Variants in NELL1 observed in about 807,000 individuals in gnomAD.
NELL1 encodes the protein neural EGFL like 1, also known as protein kinase C-binding protein NELL1.
In NELL1, 76 loss-of-function variants were observed where a neutral mutation model predicts 107.4. That is an observed-to-expected ratio of 0.71 (90% confidence interval 0.59 to 0.86). The LOEUF (loss-of-function observed/expected upper bound fraction) is 0.86, where lower values mean the gene tolerates loss of function less well. NELL1 is among the 40% of genes least tolerant of loss of function. The pLI is 0.00. For synonymous variants in NELL1, 353 were observed against 341.2 expected, an observed-to-expected ratio of 1.03 and a Z score of -0.38; for missense variants, 1,024 against 1,005.5, an observed-to-expected ratio of 1.02 and a Z score of -0.25.
At chr11:20,936,380 A>G (rs747655020) in intron 9 of NELL1, among the ~76,000 whole-genome samples, 4 of 152,192 alleles carry the variant, frequency 2.6e-5, no homozygotes, top group Non-Finnish European at 5.9e-5. Context: ...ATGGAAGTGG[A>G]TCTCCATGTA....
chr11:20,731,660 G>A (rs1401594827), intron 2 of NELL1, among the ~76,000 whole-genome samples: 1 of 152,188 alleles, frequency 6.6e-6, no homozygotes, highest in African/African-American at 2.4e-5. Flanking sequence ...CAATTCACAA[G>A]CCGGGTAGGT....
intron 2 of NELL1, among the ~76,000 whole-genome samples, chr11:20,712,631 A>C (rs1855141552): frequency 6.6e-6 from 1 of 152,144 alleles, no homozygotes; most frequent in South Asian, 2.1e-4. Flanking sequence ...TCTGCAACTA[A>C]AGGCCTGCTG....
chr11:20,861,002 A>T (rs1489476415), intron 4 of NELL1, among the ~76,000 whole-genome samples: 2 of 152,200 alleles, frequency 1.3e-5, no homozygotes, highest in African/African-American at 2.4e-5. Context: ...GCTCACAGTA[A>T]GGGCCTCATT....
rs534924742 is a variant in NELL1, at chr11:21,442,177, T to C, written c.1645+71229T>C. Among the ~76,000 whole-genome samples the C allele has an allele frequency of 2.6e-5, 4 of 152,326 alleles. No individual in the cohort carries two copies. The South Asian group carries it at 8.3e-4, about 32-fold the overall frequency. ...TCTTTACTCAGTTAATGCCTATTCA[T>C]TTCTCAGGTGTCAGTTTAGGTAAAT... On this transcript the variant is annotated intron_variant, in intron 15 of 19. Transcript: ENST00000357134.
At chr11:20,859,693 G>C (rs1262149358) in intron 4 of NELL1, among the ~76,000 whole-genome samples, 2 of 152,208 alleles carry the variant, frequency 1.3e-5, no homozygotes, top group Admixed American at 1.3e-4. Context: ...GTGAAATCAA[G>C]GGTTGGGCAG....
intron 12 of NELL1, among the ~76,000 whole-genome samples, chr11:21,089,450 A>C (rs946389544): frequency 3.3e-5 from 5 of 152,194 alleles, no homozygotes; most frequent in African/African-American, 1.2e-4. Flanking sequence ...CTCTCTTTGA[A>C]TGGTTTCTTA....
At chr11:21,418,708 C>T (rs1414883702) in intron 15 of NELL1, among the ~76,000 whole-genome samples, 1 of 151,996 alleles carries the variant, frequency 6.6e-6, no homozygotes, top group Non-Finnish European at 1.5e-5. Flanking sequence ...TTGCTTTGGC[C>T]AATAAAATAT....
chr11:21,250,660 G>A (rs1049009563), intron 14 of NELL1, among the ~76,000 whole-genome samples: 3 of 152,168 alleles, frequency 2.0e-5, no homozygotes, highest in Non-Finnish European at 4.4e-5. Context: ...CTCTAATTCA[G>A]ATCATTCCAT....
chr11:21,132,660 G>A (rs1477907989), intron 13 of NELL1, among the ~76,000 whole-genome samples: 2 of 152,128 alleles, frequency 1.3e-5, no homozygotes, highest in Non-Finnish European at 2.9e-5. Context: ...GCTTGGAAAT[G>A]CCAGGAACCA....
intron 13 of NELL1, among the ~76,000 whole-genome samples, chr11:21,208,503 G>C (rs771772158): frequency 6.6e-6 from 1 of 151,544 alleles, no homozygotes. Context: ...TTACTACTTT[G>C]TGTTTTATTT....
chr11:21,400,553 C>T (rs1370980563), intron 15 of NELL1, among the ~76,000 whole-genome samples: 1 of 151,812 alleles, frequency 6.6e-6, no homozygotes, highest in East Asian at 2.0e-4. Flanking sequence ...TTCACGTTCT[C>T]CTACCTGTTT....
Position 21,446,871 on chromosome 11 carries a change from C to T in NELL1, c.1645+75923C>T, listed in dbSNP as rs561275413. ...CTTCCTTTCAGGGTGATGAGTTCTA[C>T]CATGTCCCAGCTTGGTCCAGAGATG... On this transcript the variant is annotated intron_variant, in intron 15 of 19. Coordinates refer to ENST00000357134, the MANE Select transcript of NELL1 (RefSeq NM_006157.5). Among the ~76,000 whole-genome samples the T allele has an allele frequency of 1.3e-3, 200 of 152,354 alleles. 1 individual carries two copies. Among genetic ancestry groups the T allele is most frequent in the African/African-American group, 4.7e-3 (196 of 41,586 alleles).
chr11:21,451,712 C>G (rs1011128818), intron 15 of NELL1, among the ~76,000 whole-genome samples: 22 of 152,060 alleles, frequency 1.4e-4, no homozygotes, highest in African/African-American at 5.3e-4. Flanking sequence ...TTTGATTTAA[C>G]CTGACAAATG....
intron 2 of NELL1, among the ~76,000 whole-genome samples, chr11:20,701,213 A>C (rs1010330541): frequency 3.3e-5 from 5 of 152,122 alleles, no homozygotes; most frequent in Non-Finnish European, 7.3e-5. Context: ...AACTGGTGTG[A>C]GATGGTATCT....
chr11:20,871,875 C>T (rs1017906469), intron 4 of NELL1, among the ~76,000 whole-genome samples: 10 of 151,474 alleles, frequency 6.6e-5, no homozygotes, highest in African/African-American at 1.7e-4. Context: ...AAAAGTTATC[C>T]GGGCGTGGTG....
chr11:21,371,941 C>T (rs1192410342), intron 15 of NELL1, among the ~76,000 whole-genome samples: 1 of 152,138 alleles, frequency 6.6e-6, no homozygotes, highest in Middle Eastern at 3.4e-3. Flanking sequence ...CCCTGACCAA[C>T]CTGTTATATT....
At chr11:20,720,600 A>T (rs1482473106) in intron 2 of NELL1, among the ~76,000 whole-genome samples, 1 of 152,032 alleles carries the variant, frequency 6.6e-6, no homozygotes. Flanking sequence ...TTTTCTTTCC[A>T]TTTTTGGATG....
At chr11:21,264,750 AGT>A (rs138336320) in intron 14 of NELL1, among the ~76,000 whole-genome samples, 3 of 149,874 alleles carry the variant, frequency 2.0e-5, no homozygotes, top group East Asian at 2.0e-4. Context: ...ACAGTTGTGG[AGT>A]GTGTGTGTGT....
At chr11:20,927,152 AT>A (rs2134171633) in intron 7 of NELL1, 155 bp from the exon 8 acceptor site, 3 of 635,018 alleles carry the variant, frequency 4.7e-6, no homozygotes, top group Non-Finnish European at 7.8e-6. Flanking sequence ...TGTAAAAAAA[AT>A]AAAAAAAACA....
Sources: allele counts gnomAD v4.1 joint callset (sites outside exome capture counted in the v4.1 genomes callset), GRCh38; gene constraint gnomAD v4.1.1; transcripts MANE v1.5; gene names NCBI Gene and HGNC (gene_info 2026-07-23, HGNC 2026-07-21).